ABI3BP: variants seen among roughly 807,000 people sequenced by gnomAD.
ABI3BP encodes the protein ABI family member 3 binding protein.
In ABI3BP, 216 loss-of-function variants were observed where a neutral mutation model predicts 268.6. The ratio of observed to expected loss-of-function variants is 0.80; its 90% CI spans 0.72 to 0.90. The LOEUF is 0.90. ABI3BP is among the 40% of genes least tolerant of loss of function. ABI3BP has a pLI of 0.00. For synonymous variants in ABI3BP, 730 were observed against 730.0 expected (o/e 1.00, Z 0.00); for missense variants, 2,090 against 2,182.4 (o/e 0.96, Z 0.84).
Position 100,885,594 on chromosome 3 carries a change from GA to G in ABI3BP, c.644-7del. 6.6e-7 allele frequency: 1 copy of G among 1,521,956 alleles called. No individual in the cohort carries two copies. The highest frequency in any genetic ancestry group is 8.9e-7 in the Non-Finnish European group (1 of 1,118,796). The allele number at this position is 1,521,956 out of a possible 1,614,324, so 94.3% of individuals were successfully genotyped here. ...TTTCCCATTTACTTTTTTACCTGAT[GA>G]AACAAGGGAAAAATAACATTATTTT... On this transcript the variant is annotated splice_polypyrimidine_tract_variant and splice_region_variant and intron_variant, in intron 5 of 67. Coordinates refer to ENST00000471714, the MANE Select transcript of ABI3BP (RefSeq NM_001375547.2).
chr3:100,771,266 T>C lies in ABI3BP; in HGVS notation c.4532-314A>G, dbSNP rs116225722. 3.0e-3 allele frequency among the ~76,000 whole-genome samples: 463 copies of C among 152,310 alleles called. 4 individuals are homozygous for C. Among genetic ancestry groups the C allele is most frequent in the African/African-American group, 0.011 (444 of 41,568 alleles). On this transcript the variant is annotated intron_variant, in intron 61 of 67. Coordinates refer to ENST00000471714, the MANE Select transcript of ABI3BP (RefSeq NM_001375547.2). ...TCTTACCCTCAGTGGTAGGGAATAA[T>C]TAGCTCTATACTAAACACAGTTCTG...
At chr3:100,843,606 G>C (rs2098734821) in intron 20 of ABI3BP, 1 of 984,042 alleles carries the variant, frequency 1.0e-6, no homozygotes, top group Non-Finnish European at 1.2e-6. Context: ...GATGGAGAGA[G>C]AGAGGAGAGT....
At position 100,822,702 on chromosome 3, in the gene ABI3BP, T is replaced by C. The variant is rs768950988; in HGVS notation, c.2804-30A>G. 2.3e-5 allele frequency: 35 copies of C among 1,513,412 alleles called. No individual in the cohort carries two copies. The African/African-American group carries it at 3.4e-4, about 15-fold the overall frequency. 93.7% of individuals were successfully genotyped at this position (1,513,412 alleles called of 1,614,324 possible). A position where few individuals can be genotyped will look rare whatever the true frequency, so the allele number is the denominator to read the frequency against. On this transcript the variant is annotated intron_variant, in intron 37 of 67. Transcript: ENST00000471714. ...AGGAAGAAGTTCTTGGGTTACAACA[T>C]AACTGCATTATCTATGATTCTGGAA... is the stretch of plus-strand genomic sequence containing the variant.
intron 13 of ABI3BP, chr3:100,862,616 A>G: frequency 1.7e-6 from 1 of 581,898 alleles, no homozygotes; most frequent in Non-Finnish European, 3.0e-6. Context: ...AGCATTTTTA[A>G]GGACAAAAAG....
chr3:100,903,360 T>C (rs1024732994), intron 2 of ABI3BP, among the ~76,000 whole-genome samples: 1 of 152,176 alleles, frequency 6.6e-6, no homozygotes, highest in Non-Finnish European at 1.5e-5. Context: ...GCTAACTCAA[T>C]AAGGAGCTAA....
chr3:100,860,541 A>C (rs1282771177), intron 14 of ABI3BP, among the ~76,000 whole-genome samples: 1 of 152,140 alleles, frequency 6.6e-6, no homozygotes, highest in Admixed American at 6.5e-5. Flanking sequence ...CTTTATTGGC[A>C]TTTCCGATAT....
intron 39 of ABI3BP, 33 bp downstream of exon 39, chr3:100,821,021 G>A (rs73135545): frequency 0.19 from 287,353 of 1,512,502 alleles, 29,975 homozygotes; most frequent in South Asian, 0.26. Context: ...TGAGAAGGAA[G>A]AACACTTAAT....
chr3:100,776,650 A>G (rs535241569), intron 59 of ABI3BP, among the ~76,000 whole-genome samples: 67 of 152,296 alleles, frequency 4.4e-4, no homozygotes, highest in African/African-American at 1.3e-3. Flanking sequence ...AGTGCCCTCA[A>G]TTATGGTTTG....
intron 1 of ABI3BP, among the ~76,000 whole-genome samples, chr3:100,940,902 C>T (rs2068865485): frequency 7.5e-6 from 1 of 132,844 alleles, no homozygotes. Context: ...AAATTAATAG[C>T]ACACAGATTT....
At chr3:100,879,924 C>A (rs1476555853) in intron 6 of ABI3BP, among the ~76,000 whole-genome samples, 3 of 152,150 alleles carry the variant, frequency 2.0e-5, no homozygotes, top group African/African-American at 7.2e-5. Context: ...CAGAAATTCA[C>A]AATGTGAATC....
At chr3:100,978,825 T>A (rs1464372923) in intron 1 of ABI3BP, among the ~76,000 whole-genome samples, 1 of 152,216 alleles carries the variant, frequency 6.6e-6, no homozygotes, top group African/African-American at 2.4e-5. Flanking sequence ...TATTTCTCAA[T>A]GCATGGTTAA....
chr3:100,885,473 T>A, intron 6 of ABI3BP, 63 bp downstream of exon 6: 2 of 939,314 alleles, frequency 2.1e-6, no homozygotes, highest in African/African-American at 1.7e-5. Flanking sequence ...ATAATAAGAC[T>A]ATTTCCTTAA....
At chr3:100,886,105 T>C (rs1414561267) in intron 5 of ABI3BP, 37 bp downstream of exon 5, 1 of 1,491,470 alleles carries the variant, frequency 6.7e-7, no homozygotes, top group Non-Finnish European at 8.9e-7. Context: ...AAAAAAATTA[T>C]AAAAGCTTAC....
At chr3:100,937,617 A>C (rs1017950277) in intron 1 of ABI3BP, among the ~76,000 whole-genome samples, 10 of 152,072 alleles carry the variant, frequency 6.6e-5, no homozygotes, top group Admixed American at 2.6e-4. Flanking sequence ...AAGGTCATTC[A>C]AGCATCTTAC....
chr3:100,873,295 G>C (rs1263719592), intron 9 of ABI3BP, among the ~76,000 whole-genome samples: 1 of 152,148 alleles, frequency 6.6e-6, no homozygotes, highest in Non-Finnish European at 1.5e-5. Context: ...TTGACATTAT[G>C]TGGACAAAAC....
chr3:100,830,120 T>C (rs28597674), intron 32 of ABI3BP, among the ~76,000 whole-genome samples: 67 of 22,952 alleles, frequency 2.9e-3, no homozygotes, highest in Non-Finnish European at 4.3e-3. Context: ...CATATATATA[T>C]ATATATATAT....
intron 20 of ABI3BP, 27 bp from the exon 21 acceptor site, chr3:100,842,066 A>G: frequency 6.6e-7 from 1 of 1,521,664 alleles, no homozygotes; most frequent in Non-Finnish European, 8.8e-7. Flanking sequence ...TAATATCAAA[A>G]GCAATGCTGA....
intron 51 of ABI3BP, among the ~76,000 whole-genome samples, chr3:100,804,571 C>A (rs1280025909): frequency 6.6e-6 from 1 of 152,042 alleles, no homozygotes; most frequent in Non-Finnish European, 1.5e-5. Context: ...GACATTCTAC[C>A]CTTGGCATAA....
At position 100,754,634 on chromosome 3, in the gene ABI3BP, T is replaced by C. The variant is rs993996160; in HGVS notation, c.4908A>G (p.Thr1636=). ...TACCTGATTCAGTACTGAATGCCAC[T>C]GTGTTGCTGACCGGGCCTTCACCAA... ...NPLGEGPVSN[T]VAFSTESADP... Residue 1636 remains threonine, a synonymous_variant, in exon 64 of 68, where the codon ACA becomes ACG. Transcript: ENST00000471714. 1.3e-6 allele frequency: 2 copies of C among 1,590,282 alleles called. No individual in the cohort carries two copies. Among genetic ancestry groups the C allele is most frequent in the South Asian group, 1.2e-5 (1 of 86,928 alleles).
Sources: gnomAD v4.1 joint callset for allele counts (sites outside exome capture counted in the v4.1 genomes callset) on GRCh38, gnomAD v4.1.1 for gene constraint, MANE v1.5 for transcripts, NCBI Gene and HGNC (gene_info 2026-07-23, HGNC 2026-07-21) for gene names.